STARD13: variants seen among roughly 807,000 people sequenced by gnomAD.
STARD13 encodes the protein stAR-related lipid transfer protein 13.
A neutral mutation model predicts 106.4 loss-of-function variants in STARD13; 62 were observed. The observed-to-expected ratio is 0.58, with a 90% CI of 0.48 to 0.72. The LOEUF (loss-of-function observed/expected upper bound fraction) is 0.72. Among genes scored for constraint, STARD13 ranks in the 30% least tolerant of loss-of-function variants. STARD13 has a pLI of 0.00. For synonymous variants in STARD13, 565 were observed against 553.0 expected, an observed-to-expected ratio of 1.02 and a Z score of -0.31; for missense variants, 1,387 against 1,424.0, an observed-to-expected ratio of 0.97 and a Z score of 0.42.
At chr13:33,606,256 G>A in the STARD13 span, among the ~76,000 whole-genome samples, 11 of 152,106 alleles carry the variant, frequency 7.2e-5, no homozygotes, top group South Asian at 2.1e-4. Flanking sequence ...AGCCAAGATC[G>A]CACCATTGCA....
chr13:33,584,654 G>A, the STARD13 span, among the ~76,000 whole-genome samples: 1 of 152,080 alleles, frequency 6.6e-6, no homozygotes, highest in Admixed American at 6.6e-5. Context: ...TTTAAATGCT[G>A]AATTTGAGCA....
In STARD13 at chr13:33,130,961, A is replaced by G. The variant is rs1298433289; in HGVS notation, c.388-672T>C. On this transcript the variant is annotated intron_variant, in intron 4 of 13. Coordinates refer to ENST00000336934, the MANE Select transcript of STARD13 (RefSeq NM_178006.4). The surrounding 1 kb of genome is among the most constrained non-coding windows in gnomAD (Gnocchi z 4.1). ...GTCTTTTTCTGTGGAATCAACTCCGAGTCAGAATGCCGTTGGCAGGACGCA... is the reference window on the plus strand; with the variant it reads ...GTCTTTTTCTGTGGAATCAACTCCGGGTCAGAATGCCGTTGGCAGGACGCA... Among the ~76,000 whole-genome samples, 1 of 152,204 alleles carries G rather than the reference A, an allele frequency of 6.6e-6. No individual in the cohort carries two copies. Among genetic ancestry groups the G allele is most frequent in the African/African-American group, 2.4e-5 (1 of 41,458 alleles).
chr13:33,385,061 C>G, the STARD13 span, among the ~76,000 whole-genome samples: 1 of 142,184 alleles, frequency 7.0e-6, no homozygotes, highest in Non-Finnish European at 1.5e-5. Flanking sequence ...ACATGCATGT[C>G]TGGATTGATA....
At chr13:33,455,612 T>A in the STARD13 span, among the ~76,000 whole-genome samples, 1 of 152,110 alleles carries the variant, frequency 6.6e-6, no homozygotes, top group East Asian at 1.9e-4. Context: ...GAGCTGGGAA[T>A]GATTTTTACA....
the STARD13 span, among the ~76,000 whole-genome samples, chr13:33,619,842 C>A: frequency 6.6e-6 from 1 of 152,142 alleles, no homozygotes; most frequent in Admixed American, 6.5e-5. Context: ...GTCGGCCAAT[C>A]ACTTTAGGTC....
At chr13:33,615,029 G>A in the STARD13 span, among the ~76,000 whole-genome samples, 1 of 152,110 alleles carries the variant, frequency 6.6e-6, no homozygotes, top group Non-Finnish European at 1.5e-5. Context: ...GAAGAAAAGA[G>A]GCCAGTTAGG....
At chr13:33,133,638 C>G (rs1312683128) in intron 4 of STARD13, among the ~76,000 whole-genome samples, 3 of 131,206 alleles carry the variant, frequency 2.3e-5, no homozygotes, top group Non-Finnish European at 4.7e-5. Context: ...GGCATGCATA[C>G]AGACTATACT....
the STARD13 span, among the ~76,000 whole-genome samples, chr13:33,583,488 T>G: frequency 6.6e-6 from 1 of 152,232 alleles, no homozygotes; most frequent in African/African-American, 2.4e-5. Context: ...ACCTTTTTTT[T>G]GGTGGCTCCT....
chr13:33,248,213 A>C (rs1889927439), intron 1 of STARD13, among the ~76,000 whole-genome samples: 1 of 152,122 alleles, frequency 6.6e-6, no homozygotes, highest in Admixed American at 6.5e-5. Context: ...CAGCCTGGGC[A>C]ACATAGTGAG....
intron 1 of STARD13, among the ~76,000 whole-genome samples, chr13:33,201,007 C>A (rs1886991168): frequency 6.6e-6 from 1 of 151,452 alleles, no homozygotes. Context: ...GCCTGGGTGA[C>A]AGAGTGAGAT....
chr13:33,297,007 C>T (rs542536137), intron 1 of STARD13, among the ~76,000 whole-genome samples: 148 of 152,356 alleles, frequency 9.7e-4, no homozygotes, highest in African/African-American at 3.4e-3. Flanking sequence ...GCATAATGTC[C>T]TCCAGGTTCA....
the STARD13 span, among the ~76,000 whole-genome samples, chr13:33,643,306 T>C: frequency 6.6e-6 from 1 of 152,194 alleles, no homozygotes; most frequent in East Asian, 1.9e-4. Flanking sequence ...CGTATTTGCC[T>C]GTTTTGCCTC....
At chr13:33,249,124 C>T (rs1013880775) in intron 1 of STARD13, among the ~76,000 whole-genome samples, 2 of 152,062 alleles carry the variant, frequency 1.3e-5, no homozygotes, top group Non-Finnish European at 1.5e-5. Context: ...TAGCTTTATA[C>T]ATTAAAATGA....
At chr13:33,511,239 G>C in the STARD13 span, 1 of 152,264 alleles carries the variant, frequency 6.6e-6, no homozygotes, top group East Asian at 1.9e-4. Flanking sequence ...CTTGAACCTG[G>C]GGGGTGGAGG....
At chr13:33,403,351 T>C in the STARD13 span, among the ~76,000 whole-genome samples, 1 of 152,380 alleles carries the variant, frequency 6.6e-6, no homozygotes, top group East Asian at 1.9e-4. Flanking sequence ...TTGTTTGTGT[T>C]TACACTTAGG....
intron 3 of STARD13, among the ~76,000 whole-genome samples, chr13:33,153,103 T>C (rs914449519): frequency 6.6e-6 from 1 of 152,222 alleles, no homozygotes; most frequent in African/African-American, 2.4e-5. Flanking sequence ...TAGTCTTCTC[T>C]AACATGAAGA....
chr13:33,543,958 C>T, the STARD13 span, among the ~76,000 whole-genome samples: 1 of 152,320 alleles, frequency 6.6e-6, no homozygotes, highest in Non-Finnish European at 1.5e-5. Context: ...AAGTAGTAAA[C>T]TAAACCCTAG....
intron 1 of STARD13, chr13:33,278,431 C>T (rs7983804): frequency 0.61 from 92,051 of 151,666 alleles, 28,604 homozygotes; most frequent in East Asian, 0.84. Flanking sequence ...TACCTACCCA[C>T]CCACCCACAC....
chr13:33,245,461 T>TCTGTG (rs1177810924), intron 1 of STARD13, among the ~76,000 whole-genome samples: 1 of 152,212 alleles, frequency 6.6e-6, no homozygotes, highest in Admixed American at 6.5e-5. Flanking sequence ...GGGGCCACAT[T>TCTGTG]CTGTGGGTAC....
Sources: gnomAD v4.1 joint callset for allele counts (sites outside exome capture counted in the v4.1 genomes callset) on GRCh38, gnomAD v4.1.1 for gene constraint, Gnocchi (gnomAD v3.1) non-coding constraint, MANE v1.5 for transcripts, NCBI Gene and HGNC (gene_info 2026-07-23, HGNC 2026-07-21) for gene names.